Variants in ROBO1 observed in about 807,000 individuals in gnomAD.
ROBO1 encodes the protein roundabout homolog 1.
In ROBO1, 149 loss-of-function variants were observed where a neutral mutation model predicts 195.9. The observed-to-expected ratio is 0.76, with a 90% confidence interval of 0.67 to 0.87. The LOEUF is 0.87. Ranked by LOEUF, ROBO1 falls within the 40% of genes least tolerant of loss-of-function variation. The pLI, the probability that ROBO1 is intolerant of heterozygous loss-of-function variation, is 0.00. For missense variants in ROBO1, 1,933 were observed against 2,068.3 expected, an observed-to-expected ratio of 0.93 and a Z score of 1.27; for synonymous variants, 816 against 733.2, an observed-to-expected ratio of 1.11 and a Z score of -1.82.
chr3:79,157,860 G>C (rs1161425751), intron 2 of ROBO1, among the ~76,000 whole-genome samples: 1 of 151,850 alleles, frequency 6.6e-6, no homozygotes, highest in Admixed American at 6.6e-5. Flanking sequence ...GTACATGGAA[G>C]CACATTCTCT....
chr3:79,577,319 C>T (rs947294896), intron 2 of ROBO1, among the ~76,000 whole-genome samples: 14 of 151,980 alleles, frequency 9.2e-5, no homozygotes, highest in Non-Finnish European at 1.3e-4. Flanking sequence ...CTTATGTAAA[C>T]TATATTATGT....
chr3:79,104,612 G>C (rs1275210849), intron 3 of ROBO1, among the ~76,000 whole-genome samples: 3 of 151,604 alleles, frequency 2.0e-5, no homozygotes, highest in Admixed American at 6.6e-5. Context: ...CGATAGGCTT[G>C]CATTATCACT....
At chr3:79,265,581 T>A (rs1182406038) in intron 2 of ROBO1, among the ~76,000 whole-genome samples, 1 of 151,596 alleles carries the variant, frequency 6.6e-6, no homozygotes, top group African/African-American at 2.4e-5. Context: ...AATGAGGGAT[T>A]ATAAATGATA....
intron 2 of ROBO1, among the ~76,000 whole-genome samples, chr3:79,491,641 T>A (rs1939459846): frequency 6.6e-6 from 1 of 152,192 alleles, no homozygotes; most frequent in Non-Finnish European, 1.5e-5. Context: ...AGTGAAAGAA[T>A]TCTGTAGCTG....
At chr3:79,740,333 G>A (rs1053287032) in intron 1 of ROBO1, among the ~76,000 whole-genome samples, 2 of 150,122 alleles carry the variant, frequency 1.3e-5, no homozygotes, top group Non-Finnish European at 3.0e-5. Flanking sequence ...TGTTGCTTAT[G>A]GGAATCCATT....
At chr3:78,937,858 A>G (rs1281071903) in intron 4 of ROBO1, among the ~76,000 whole-genome samples, 2 of 152,212 alleles carry the variant, frequency 1.3e-5, no homozygotes, top group African/African-American at 4.8e-5. Context: ...TCTAAGAATT[A>G]GAAATGGTTT....
chr3:78,891,001 G>A (rs765405264), intron 4 of ROBO1, among the ~76,000 whole-genome samples: 7 of 152,028 alleles, frequency 4.6e-5, no homozygotes, highest in Non-Finnish European at 8.8e-5. Flanking sequence ...TCAGCCTTCC[G>A]ATCTTTCCTT....
intron 3 of ROBO1, among the ~76,000 whole-genome samples, chr3:79,042,172 AAC>A (rs1304701178): frequency 6.6e-6 from 1 of 152,194 alleles, no homozygotes; most frequent in Non-Finnish European, 1.5e-5. Context: ...TATATATGTA[AAC>A]ACACACAATT....
At position 79,158,558 on chromosome 3, in the gene ROBO1, A is replaced by T. The variant is rs189549263; in HGVS notation, c.89-33019T>A. 2.7e-3 allele frequency among the ~76,000 whole-genome samples: 405 copies of T among 151,696 alleles called. 1 individual carries two copies. Among genetic ancestry groups the T allele is most frequent in the Admixed American group, 4.4e-3 (67 of 15,224 alleles). ...CCATTCTCTTGTATTTTGGCTAGAT[A>T]TCTGTTTCCTTGTATTGTTTAAGTT... On this transcript the variant is annotated intron_variant, in intron 2 of 30. Coordinates refer to ENST00000464233, the MANE Select transcript of ROBO1 (RefSeq NM_002941.4).
At chr3:79,194,018 T>C (rs2108761976) in intron 2 of ROBO1, among the ~76,000 whole-genome samples, 1 of 151,818 alleles carries the variant, frequency 6.6e-6, no homozygotes, top group East Asian at 1.9e-4. Context: ...TATATTGGAA[T>C]GGCTGTGAGC....
Position 78,659,703 on chromosome 3 carries a change from T to C in ROBO1, c.2425A>G (p.Met809Val). 6.4e-7 allele frequency: 1 copy of C among 1,552,278 alleles called. No homozygotes were observed. Among genetic ancestry groups the C allele is most frequent in the Non-Finnish European group, 8.7e-7 (1 of 1,145,764 alleles). ...ACTCATACCTTATACTCTTGGACCA[T>C]TCCATTTTGAGTGTCTTCTGGAGGT... ...QPPPEDTQNG[M>V]VQEYKVWCLG... The change falls in exon 17 of 31, where the codon ATG becomes GTG. Residue 809 changes from methionine to valine, a missense_variant. Met to Val is a conservative substitution (Grantham distance 21). Around this residue, in one of 3 missense-constraint regions of ROBO1, gnomAD observed 1,737 missense variants for 1,882.5 expected, o/e 0.92. Transcript: ENST00000464233.
chr3:78,947,189 G>C (rs1464961400), intron 3 of ROBO1, among the ~76,000 whole-genome samples: 1 of 152,114 alleles, frequency 6.6e-6, no homozygotes, highest in Non-Finnish European at 1.5e-5. Context: ...GACATCTACA[G>C]AACTCTCCAC....
chr3:78,708,755 T>C (rs2081611485), intron 8 of ROBO1, among the ~76,000 whole-genome samples: 1 of 152,204 alleles, frequency 6.6e-6, no homozygotes, highest in Non-Finnish European at 1.5e-5. Flanking sequence ...TTTATAGGTA[T>C]GTCACAACCT....
chr3:79,069,186 G>A (rs888338809), intron 3 of ROBO1, among the ~76,000 whole-genome samples: 3 of 151,716 alleles, frequency 2.0e-5, no homozygotes, highest in African/African-American at 7.3e-5. Flanking sequence ...GATGAAAATA[G>A]GGCCTTTTAT....
At chr3:79,530,271 G>A (rs2107608235) in intron 2 of ROBO1, among the ~76,000 whole-genome samples, 1 of 151,974 alleles carries the variant, frequency 6.6e-6, no homozygotes, top group Admixed American at 6.6e-5. Flanking sequence ...TTTCTCCCTG[G>A]TGATTGCATC....
chr3:78,964,994 A>C (rs2076607074), intron 3 of ROBO1, among the ~76,000 whole-genome samples: 1 of 151,874 alleles, frequency 6.6e-6, no homozygotes, highest in South Asian at 2.1e-4. Flanking sequence ...AACGCAAAAA[A>C]TATTGTCAAT....
At chr3:79,452,820 T>C (rs1469759980) in intron 2 of ROBO1, among the ~76,000 whole-genome samples, 1 of 152,026 alleles carries the variant, frequency 6.6e-6, no homozygotes, top group Non-Finnish European at 1.5e-5. Context: ...ATCCAGCATA[T>C]GTTTCTCTAG....
intron 8 of ROBO1, 72 bp downstream of exon 8, chr3:78,714,325 T>A: frequency 6.8e-7 from 1 of 1,474,652 alleles, no homozygotes; most frequent in Admixed American, 2.1e-5. Flanking sequence ...CTATACATAA[T>A]ATTTTCTTCA....
intron 4 of ROBO1, among the ~76,000 whole-genome samples, chr3:78,904,740 G>A (rs1185816361): frequency 1.3e-5 from 2 of 148,158 alleles, no homozygotes; most frequent in South Asian, 4.2e-4. Flanking sequence ...ATGCATATAT[G>A]TATATGTATA....
Sources: gnomAD v4.1 joint callset for allele counts (sites outside exome capture counted in the v4.1 genomes callset) on GRCh38, gnomAD v4.1.1 for gene constraint, gnomAD v4.1.1 regional missense constraint, MANE v1.5 for transcripts, NCBI Gene and HGNC (gene_info 2026-07-23, HGNC 2026-07-21) for gene names.